Variants in STMN2 observed in about 807,000 individuals in gnomAD.
STMN2 encodes stathmin-2.
Under a neutral mutation model 24.1 loss-of-function variants are expected in STMN2, and 2 were observed. The ratio of observed to expected loss-of-function variants is 0.08; its 90% CI spans 0.03 to 0.26. The LOEUF is 0.26. STMN2 is among the 10% of genes least tolerant of loss of function. The pLI is 1.00. For missense variants in STMN2, 114 were observed against 213.6 expected, an observed-to-expected ratio of 0.53 and a Z score of 2.91; for synonymous variants, 83 against 77.5, an observed-to-expected ratio of 1.07 and a Z score of -0.37.
At chr8:79,646,313 G>A (rs181726683) in intron 3 of STMN2, among the ~76,000 whole-genome samples, 58 of 152,044 alleles carry the variant, frequency 3.8e-4, no homozygotes, top group African/African-American at 1.3e-3. Context: ...TCCAGTGGGG[G>A]AGAAAGAGCT....
intron 1 of STMN2, among the ~76,000 whole-genome samples, chr8:79,635,971 C>T (rs996924614): frequency 6.6e-6 from 1 of 152,064 alleles, no homozygotes; most frequent in East Asian, 1.9e-4. Flanking sequence ...AATCCCAGCA[C>T]TTTGGGTGGC....
At chr8:79,626,621 T>C (rs1809661035) in intron 1 of STMN2, among the ~76,000 whole-genome samples, 1 of 152,190 alleles carries the variant, frequency 6.6e-6, no homozygotes, top group South Asian at 2.1e-4. Context: ...TTGTTCTTCA[T>C]GGGGAAGCTA....
chr8:79,614,243 TAATTCC>T (rs771916114), intron 1 of STMN2, among the ~76,000 whole-genome samples: 1 of 152,266 alleles, frequency 6.6e-6, no homozygotes, highest in Non-Finnish European at 1.5e-5. Flanking sequence ...ATTTTGAAAT[TAATTCC>T]AATTTCAAAG....
intron 1 of STMN2, among the ~76,000 whole-genome samples, chr8:79,635,027 A>G (rs1018924981): frequency 2.0e-5 from 3 of 152,188 alleles, no homozygotes; most frequent in Non-Finnish European, 4.4e-5. Flanking sequence ...TCCTTAATTT[A>G]TTAATTTTAC....
intron 3 of STMN2, among the ~76,000 whole-genome samples, chr8:79,645,304 T>C (rs867388855): frequency 2.0e-5 from 3 of 152,224 alleles, no homozygotes; most frequent in Non-Finnish European, 2.9e-5. Flanking sequence ...TCAATATGCA[T>C]GTAATCAATA....
chr8:79,616,810 T>C (rs993993236), intron 1 of STMN2, among the ~76,000 whole-genome samples: 4 of 152,172 alleles, frequency 2.6e-5, no homozygotes, highest in African/African-American at 9.6e-5. Context: ...TAAAATTATA[T>C]TCATATTGCA....
chr8:79,631,431 G>A, intron 1 of STMN2: 5 of 985,150 alleles, frequency 5.1e-6, no homozygotes, highest in Non-Finnish European at 6.0e-6. Context: ...TTTGTAGAGA[G>A]AGATGGGTAG....
At chr8:79,640,549 C>T (rs1810073554) in intron 2 of STMN2, among the ~76,000 whole-genome samples, 1 of 152,196 alleles carries the variant, frequency 6.6e-6, no homozygotes, top group South Asian at 2.1e-4. Flanking sequence ...ATCCCTGGCT[C>T]CTGGCTCCAG....
intron 1 of STMN2, chr8:79,611,705 C>T (rs775718565): frequency 1.3e-5 from 12 of 948,072 alleles, no homozygotes; most frequent in Non-Finnish European, 1.5e-5. Flanking sequence ...TGGGTGGAGA[C>T]GGGGGGAGGG....
chr8:79,660,135 C>T (rs538390269), intron 4 of STMN2, among the ~76,000 whole-genome samples: 1 of 152,190 alleles, frequency 6.6e-6, no homozygotes, highest in East Asian at 1.9e-4. Context: ...AGGGAAGAGC[C>T]CTTTCCTCTC....
intron 1 of STMN2, among the ~76,000 whole-genome samples, chr8:79,633,415 G>A (rs190303576): frequency 1.3e-5 from 2 of 152,188 alleles, no homozygotes; most frequent in East Asian, 1.9e-4. Context: ...AGACCACCTC[G>A]AACAAGAAAG....
intron 4 of STMN2, among the ~76,000 whole-genome samples, chr8:79,660,406 A>G (rs373027286): frequency 2.0e-5 from 3 of 152,306 alleles, no homozygotes; most frequent in South Asian, 2.1e-4. Context: ...AGTAACCCAG[A>G]CAAACTTGAC....
At chr8:79,617,486 T>C (rs113847758) in intron 1 of STMN2, among the ~76,000 whole-genome samples, 1 of 152,344 alleles carries the variant, frequency 6.6e-6, no homozygotes, top group South Asian at 2.1e-4. Flanking sequence ...TTGGACTAAG[T>C]CTCAAAGTTA....
intron 3 of STMN2, among the ~76,000 whole-genome samples, chr8:79,644,879 G>T (rs1379822613): frequency 1.3e-5 from 2 of 152,200 alleles, no homozygotes; most frequent in East Asian, 3.9e-4. Flanking sequence ...GCCAGGCCGG[G>T]TGTGGTGGCT....
chr8:79,649,045 G>A (rs901700627), intron 3 of STMN2, among the ~76,000 whole-genome samples: 5 of 152,112 alleles, frequency 3.3e-5, no homozygotes, highest in Admixed American at 2.6e-4. Context: ...AGGAAGATGT[G>A]TTGCTTATTC....
intron 4 of STMN2, among the ~76,000 whole-genome samples, chr8:79,658,446 A>G (rs1257717410): frequency 6.6e-6 from 1 of 152,236 alleles, no homozygotes; most frequent in Non-Finnish European, 1.5e-5. Flanking sequence ...CTTTCCCAAT[A>G]CAGACAATAC....
At chr8:79,663,314 TCC>T (rs1806538311) in intron 4 of STMN2, among the ~76,000 whole-genome samples, 1 of 152,178 alleles carries the variant, frequency 6.6e-6, no homozygotes, top group Non-Finnish European at 1.5e-5. Context: ...TGGGTTTAAA[TCC>T]CACTTGTTAG....
At chr8:79,614,050 C>G (rs1809321152) in intron 1 of STMN2, among the ~76,000 whole-genome samples, 1 of 152,140 alleles carries the variant, frequency 6.6e-6, no homozygotes, top group African/African-American at 2.4e-5. Flanking sequence ...AACTGTTCTT[C>G]CAACTGCTGA....
chr8:79,633,259 C>A (rs895878604), intron 1 of STMN2, among the ~76,000 whole-genome samples: 1 of 152,136 alleles, frequency 6.6e-6, no homozygotes, highest in South Asian at 2.1e-4. Flanking sequence ...AGAATGCAAG[C>A]AACTCATCAA....
Sources: allele counts gnomAD v4.1 joint callset (sites outside exome capture counted in the v4.1 genomes callset), GRCh38; gene constraint gnomAD v4.1.1; transcripts MANE v1.5; gene names NCBI Gene and HGNC (gene_info 2026-07-23, HGNC 2026-07-21).